The following CNTN5 variants were observed in gnomAD, a reference collection of about 807,000 sequenced individuals.
CNTN5 encodes contactin-5.
A neutral mutation model predicts 129.1 loss-of-function variants in CNTN5; 77 were observed. The observed-to-expected ratio is 0.60, with a 90% CI of 0.50 to 0.72. The LOEUF is 0.72. Among genes scored for constraint, CNTN5 ranks in the 30% least tolerant of loss-of-function variants. The pLI, the probability that CNTN5 is intolerant of heterozygous loss-of-function variation, is 0.00. For missense variants in CNTN5, 1,478 were observed against 1,328.8 expected (o/e 1.11, Z -1.75); for synonymous variants, 509 against 465.6 (o/e 1.09, Z -1.20).
chr11:99,245,113 C>T (rs1042473615), intron 1 of CNTN5, among the ~76,000 whole-genome samples: 1 of 152,102 alleles, frequency 6.6e-6, no homozygotes, highest in African/African-American at 2.4e-5. Flanking sequence ...CACTGTCAAA[C>T]TGCACACACT....
chr11:100,070,996 T>C (rs1208638524), intron 11 of CNTN5, among the ~76,000 whole-genome samples: 1 of 152,160 alleles, frequency 6.6e-6, no homozygotes, highest in Non-Finnish European at 1.5e-5. Context: ...AGAGTTTTTT[T>C]TTTAATGATT....
intron 2 of CNTN5, among the ~76,000 whole-genome samples, chr11:99,331,227 C>T (rs1001201812): frequency 6.6e-6 from 1 of 152,036 alleles, no homozygotes; most frequent in South Asian, 2.1e-4. Flanking sequence ...TTTTCTGCCT[C>T]TATGAAAACT....
At chr11:99,822,746 C>G (rs1223908329) in intron 4 of CNTN5, among the ~76,000 whole-genome samples, 1 of 152,188 alleles carries the variant, frequency 6.6e-6, no homozygotes, top group Non-Finnish European at 1.5e-5. Context: ...TAAAATGTCT[C>G]ACAGTAATTC....
At chr11:99,346,541 G>T (rs1165705369) in intron 2 of CNTN5, among the ~76,000 whole-genome samples, 1 of 152,176 alleles carries the variant, frequency 6.6e-6, no homozygotes, top group Admixed American at 6.5e-5. Context: ...CTCCCACAAG[G>T]TGTACCCTGC....
At chr11:100,138,246 A>T (rs1446454212) in intron 13 of CNTN5, among the ~76,000 whole-genome samples, 1 of 115,122 alleles carries the variant, frequency 8.7e-6, no homozygotes, top group African/African-American at 4.5e-5. Flanking sequence ...TCCTGGCACT[A>T]AGGAAAAAAA....
intron 1 of CNTN5, among the ~76,000 whole-genome samples, chr11:99,124,923 C>T (rs577416637): frequency 7.2e-5 from 11 of 151,930 alleles, no homozygotes; most frequent in South Asian, 4.2e-4. Context: ...AGAAAGCAAT[C>T]GAATGTCTTA....
At chr11:100,055,580 ACT>A (rs34862679) in intron 9 of CNTN5, among the ~76,000 whole-genome samples, 47,147 of 151,004 alleles carry the variant, frequency 0.31, 7,697 homozygotes, top group East Asian at 0.47. Flanking sequence ...AGGTGCTTTT[ACT>A]CTCTTTTCCG....
chr11:100,114,519 G>A (rs1299450938), intron 13 of CNTN5, among the ~76,000 whole-genome samples: 1 of 152,054 alleles, frequency 6.6e-6, no homozygotes, highest in Non-Finnish European at 1.5e-5. Context: ...TGATTTGATA[G>A]ATTATCACAT....
intron 2 of CNTN5, among the ~76,000 whole-genome samples, chr11:99,513,441 T>G (rs565473326): frequency 5.9e-5 from 9 of 152,258 alleles, no homozygotes; most frequent in Admixed American, 3.9e-4. Flanking sequence ...AAGAGCCTTC[T>G]GTTGGAAGAA....
chr11:99,136,880 A>AT (rs1859255461), intron 1 of CNTN5, among the ~76,000 whole-genome samples: 1 of 152,266 alleles, frequency 6.6e-6, no homozygotes, highest in South Asian at 2.1e-4. Context: ...ATATTTGTTC[A>AT]GCATTATATC....
intron 2 of CNTN5, among the ~76,000 whole-genome samples, chr11:99,349,232 G>T (rs1346094926): frequency 6.6e-6 from 1 of 152,156 alleles, no homozygotes; most frequent in Non-Finnish European, 1.5e-5. Flanking sequence ...TGAACAAGGG[G>T]AAGCTTTCCT....
Position 99,023,770 on chromosome 11 carries a change from A to T in CNTN5, c.-210+2500A>T, listed in dbSNP as rs1034957894. 1.3e-5 allele frequency among the ~76,000 whole-genome samples: 2 copies of T among 152,208 alleles called. 1 individual carries two copies. The highest frequency in any genetic ancestry group is 4.1e-4 in the South Asian group (2 of 4,836). On this transcript the variant is annotated intron_variant, in intron 1 of 24. Transcript: ENST00000524871. ...TATTGTCTTTGAACTTTCTTTTAAA[A>T]TACGGGTTTTTAAATTTTTACCAAG...
chr11:99,625,860 T>G (rs1237715172), intron 3 of CNTN5, among the ~76,000 whole-genome samples: 11 of 151,726 alleles, frequency 7.2e-5, no homozygotes. Context: ...TGAAATATGA[T>G]CTTTATGTCA....
At chr11:100,174,016 T>G (rs1040627125) in intron 13 of CNTN5, among the ~76,000 whole-genome samples, 3 of 152,076 alleles carry the variant, frequency 2.0e-5, no homozygotes, top group Non-Finnish European at 4.4e-5. Flanking sequence ...AGAAGAGCAA[T>G]AAATCAGAGC....
At chr11:99,136,643 T>C (rs561702005) in intron 1 of CNTN5, among the ~76,000 whole-genome samples, 1 of 152,148 alleles carries the variant, frequency 6.6e-6, no homozygotes, top group African/African-American at 2.4e-5. Context: ...TGCTTTTATG[T>C]ACACACATCT....
At chr11:100,030,215 GA>G (rs60259752) in intron 9 of CNTN5, among the ~76,000 whole-genome samples, 121,400 of 150,418 alleles carry the variant, frequency 0.81, 49,624 homozygotes, top group East Asian at 1. Context: ...TCTCTAAAAA[GA>G]AAAAAAAAAA....
intron 13 of CNTN5, among the ~76,000 whole-genome samples, chr11:100,151,239 G>A (rs1294076871): frequency 1.3e-5 from 2 of 152,140 alleles, no homozygotes; most frequent in East Asian, 1.9e-4. Context: ...TATTCACAAT[G>A]TAAGTGGAGT....
At chr11:99,348,442 T>C (rs1938061513) in intron 2 of CNTN5, among the ~76,000 whole-genome samples, 1 of 152,226 alleles carries the variant, frequency 6.6e-6, no homozygotes, top group Admixed American at 6.5e-5. Context: ...TACCATGTAG[T>C]TATGATATTT....
intron 2 of CNTN5, among the ~76,000 whole-genome samples, chr11:99,511,417 A>T (rs1447999787): frequency 6.6e-6 from 1 of 152,012 alleles, no homozygotes; most frequent in African/African-American, 2.4e-5. Context: ...ACAGTTTGTT[A>T]TAATTTCTGT....
Sources: gnomAD v4.1 joint callset for allele counts (sites outside exome capture counted in the v4.1 genomes callset) on GRCh38, gnomAD v4.1.1 for gene constraint, MANE v1.5 for transcripts, NCBI Gene and HGNC (gene_info 2026-07-23, HGNC 2026-07-21) for gene names.